The following DNAH17 variants were observed in gnomAD, a reference collection of about 807,000 sequenced individuals.
DNAH17 encodes the protein axonemal beta dynein heavy chain 17.
Under a neutral mutation model 485.6 loss-of-function variants are expected in DNAH17, and 376 were observed. The observed-to-expected ratio is 0.77, with a 90% CI of 0.71 to 0.84. The LOEUF is 0.84. DNAH17 is among the 40% of genes least tolerant of loss of function. The probability of loss-of-function intolerance (pLI) is 0.00; values close to 1 mark genes in which losing one functional copy is unlikely to be tolerated. For synonymous variants in DNAH17, 3,031 were observed against 2,405.9 expected, an observed-to-expected ratio of 1.26 and a Z score of -7.60; for missense variants, 6,370 against 5,839.3, an observed-to-expected ratio of 1.09 and a Z score of -2.96.
intron 14 of DNAH17, among the ~76,000 whole-genome samples, chr17:78,553,590 T>C (rs553282181): frequency 2.0e-5 from 3 of 152,250 alleles, no homozygotes; most frequent in Non-Finnish European, 4.4e-5. Context: ...TATTTCTTTA[T>C]AGCAATGTAA....
chr17:78,562,397 AAC>A (rs1252461219), intron 11 of DNAH17, among the ~76,000 whole-genome samples: 1 of 152,136 alleles, frequency 6.6e-6, no homozygotes, highest in Non-Finnish European at 1.5e-5. Context: ...CAGCCTGGGC[AAC>A]ACAGCAAAAT....
chr17:78,543,582 G>A (rs1344763193), intron 17 of DNAH17, among the ~76,000 whole-genome samples: 3 of 152,038 alleles, frequency 2.0e-5, no homozygotes, highest in African/African-American at 7.2e-5. Flanking sequence ...GAGCCACCGC[G>A]CCCGGCCAAT....
At chr17:78,501,563 G>C (rs1465835529) in intron 34 of DNAH17, 179 bp downstream of exon 34, 6 of 1,000,332 alleles carry the variant, frequency 6.0e-6, no homozygotes, top group Admixed American at 5.4e-5. Flanking sequence ...TCATCTGACT[G>C]CTGTGTGTTG....
At chr17:78,439,015 C>CCTTCT in intron 73 of DNAH17, 75 bp downstream of exon 73, 4 of 1,542,260 alleles carry the variant, frequency 2.6e-6, no homozygotes, top group Non-Finnish European at 3.5e-6. Context: ...TGCTTCCTTC[C>CCTTCT]GGGCCTTCTG....
chr17:78,546,534 G>A (rs2091769024), intron 16 of DNAH17, among the ~76,000 whole-genome samples: 1 of 152,116 alleles, frequency 6.6e-6, no homozygotes, highest in South Asian at 2.1e-4. Flanking sequence ...GATTTGGATA[G>A]GAGAAATCCT....
At chr17:78,527,433 T>C (rs1297671460) in intron 22 of DNAH17, among the ~76,000 whole-genome samples, 1 of 152,138 alleles carries the variant, frequency 6.6e-6, no homozygotes, top group Non-Finnish European at 1.5e-5. Context: ...AACTAGGACA[T>C]TGACATTGGT....
chr17:78,427,246 T>C lies in DNAH17; in HGVS notation c.12589-138A>G, dbSNP rs555350903. Reference sequence around the variant, plus strand: ...AAGAGGCAAGTAGAGTTGCCAGAAATGCAGGGTCATGGGTGCAGCCACACA... The same window carrying C: ...AAGAGGCAAGTAGAGTTGCCAGAAACGCAGGGTCATGGGTGCAGCCACACA... On this transcript the variant is annotated intron_variant, in intron 77 of 80. Transcript: ENST00000389840. 1.4e-3 allele frequency: 1,100 copies of C among 794,448 alleles called. 2 individuals are homozygous for C. Among genetic ancestry groups the C allele is most frequent in the Non-Finnish European group, 1.3e-3 (657 of 496,014 alleles). 49.2% of individuals were successfully genotyped at this position (794,448 alleles called of 1,614,324 possible). A position where few individuals can be genotyped will look rare whatever the true frequency, so the allele number is the denominator to read the frequency against.
chr17:78,485,246 G>A (rs181686467), intron 47 of DNAH17: 4 of 669,112 alleles, frequency 6.0e-6, no homozygotes, highest in Non-Finnish European at 9.9e-6. Flanking sequence ...AGGGTGGCAG[G>A]AACCTTGCTC....
intron 71 of DNAH17, among the ~76,000 whole-genome samples, chr17:78,441,783 C>T (rs1358970183): frequency 5.9e-5 from 9 of 152,154 alleles, no homozygotes; most frequent in Non-Finnish European, 1.5e-5. Context: ...AATGAATCAC[C>T]TGAGCTAAGA....
rs73385318 is a variant in DNAH17, at chr17:78,532,775, T to C, written c.2860-39A>G. On this transcript the variant is annotated intron_variant, in intron 19 of 80. Coordinates refer to ENST00000389840, the MANE Select transcript of DNAH17 (RefSeq NM_173628.4). The stretch of plus-strand genomic sequence containing the variant: ...GGGAGAAGCAAAAAGGGGAGGTATG[T>C]TGCCTGGTTCATAATTTAGGTGTTG... The C allele has an allele frequency of 3.5e-3, 5,396 of 1,540,748 alleles. 159 individuals carry two copies. The African/African-American group carries it at 0.065, about 19-fold the overall frequency.
At chr17:78,536,676 G>A (rs909167783) in intron 19 of DNAH17, among the ~76,000 whole-genome samples, 9 of 151,776 alleles carry the variant, frequency 5.9e-5, no homozygotes, top group Non-Finnish European at 1.0e-4. Context: ...GTGAGACCTT[G>A]TCTCAAAAAA....
At position 78,532,578 on chromosome 17, in the gene DNAH17, C is replaced by G; in HGVS notation, c.3018G>C (p.Leu1006=). Residue 1006 remains leucine (L), a synonymous_variant, in exon 20 of 81, where the codon CTG becomes CTC. Transcript: ENST00000389840. ...CCGCAGTGACTGCACACCCATATAT[C>G]AGGAAATTCTTCATAAACTCCTGCA... ...DNLQEFMKNF[L]IYGCAVTAED... The G allele has an allele frequency of 1.9e-6, 3 of 1,609,384 alleles. No homozygotes were observed. The highest frequency in any genetic ancestry group is 2.5e-6 in the Non-Finnish European group (3 of 1,177,812).
intron 71 of DNAH17, 98 bp downstream of exon 71, chr17:78,444,506 C>CA: frequency 8.3e-7 from 1 of 1,198,716 alleles, no homozygotes; most frequent in Non-Finnish European, 1.1e-6. Flanking sequence ...TTCAGGGGAT[C>CA]AACTCAAGTC....
intron 17 of DNAH17, among the ~76,000 whole-genome samples, chr17:78,541,635 T>G (rs1353636804): frequency 6.6e-6 from 1 of 151,968 alleles, no homozygotes; most frequent in Non-Finnish European, 1.5e-5. Context: ...CTCATCACAG[T>G]TGGGGAACAG....
At chr17:78,466,522 C>T (rs527389912) in intron 56 of DNAH17, 133 bp downstream of exon 56, 7 of 694,022 alleles carry the variant, frequency 1.0e-5, no homozygotes, top group South Asian at 6.9e-5. Flanking sequence ...GCCTCTTAAA[C>T]GTTGAGCCCA....
intron 36 of DNAH17, 166 bp from the exon 37 acceptor site, chr17:78,499,278 G>A (rs993456515): frequency 2.6e-5 from 13 of 508,066 alleles, no homozygotes; most frequent in South Asian, 1.8e-4. Flanking sequence ...TCAGCTTACT[G>A]CCCAGGGTAA....
rs1158277766 is a variant in DNAH17 at position 78,479,125 on chromosome 17, G to A, written c.7901-9C>T. 8 of 1,613,312 alleles carry A rather than the reference G, an allele frequency of 5.0e-6. No individual in the cohort carries two copies. The highest frequency in any genetic ancestry group is 1.7e-5 in the Admixed American group (1 of 59,950). On this transcript the variant is annotated splice_polypyrimidine_tract_variant and intron_variant, in intron 50 of 80. Transcript: ENST00000389840. ...GATTTTCTGATGCAAAGCTGTTAGA[G>A]GAAAAGGACGTGTCAATTCTCATGT...
rs184807499 is a variant in DNAH17 at position 78,454,444 on chromosome 17, G to C, written c.10406+26C>G. 233 of 1,583,042 alleles carry C rather than the reference G, an allele frequency of 1.5e-4. 1 individual carries two copies. The East Asian group carries it at 3.9e-3, about 26-fold the overall frequency. On this transcript the variant is annotated intron_variant, in intron 64 of 80. Coordinates refer to ENST00000389840, the MANE Select transcript of DNAH17 (RefSeq NM_173628.4). Reference sequence around the variant, plus strand: ...GTGCTTCCAAGCAGAGCCGGGCTTCGGCCCAGGTCCTGCGCCCGCACACAC... The same window carrying C: ...GTGCTTCCAAGCAGAGCCGGGCTTCCGCCCAGGTCCTGCGCCCGCACACAC...
At chr17:78,464,438 T>G (rs2088309882) in intron 56 of DNAH17, among the ~76,000 whole-genome samples, 1 of 152,178 alleles carries the variant, frequency 6.6e-6, no homozygotes, top group African/African-American at 2.4e-5. Context: ...TTTTTATATT[T>G]TTGGTAGAGA....
Sources: gnomAD v4.1 joint callset for allele counts (sites outside exome capture counted in the v4.1 genomes callset) on GRCh38, gnomAD v4.1.1 for gene constraint, MANE v1.5 for transcripts, NCBI Gene and HGNC (gene_info 2026-07-23, HGNC 2026-07-21) for gene names.